The following PRDM11 variants were observed in gnomAD, a reference collection of about 807,000 sequenced individuals.
The protein encoded by PRDM11 is PR domain-containing protein 11.
A neutral mutation model predicts 97.8 loss-of-function variants in PRDM11; 20 were observed. The ratio of observed to expected loss-of-function variants is 0.20; its 90% CI spans 0.14 to 0.30. The LOEUF (loss-of-function observed/expected upper bound fraction) is 0.30, where lower values mean the gene tolerates loss of function less well. Ranked by LOEUF, PRDM11 falls within the 10% of genes least tolerant of loss-of-function variation. The probability of loss-of-function intolerance (pLI) is 1.00; values close to 1 mark genes in which losing one functional copy is unlikely to be tolerated. For synonymous variants in PRDM11, 599 were observed against 637.7 expected (o/e 0.94, Z 0.91); for missense variants, 1,139 against 1,555.2 (o/e 0.73, Z 4.50).
At chr11:45,119,649 A>G (rs897941604) in intron 1 of PRDM11, among the ~76,000 whole-genome samples, 5 of 135,908 alleles carry the variant, frequency 3.7e-5, no homozygotes, top group African/African-American at 5.5e-5. Context: ...AAAAAAAAAA[A>G]CACCTGGTAA....
chr11:45,094,790 G>A (rs972825850), upstream of PRDM11, among the ~76,000 whole-genome samples: 2 of 138,440 alleles, frequency 1.4e-5, no homozygotes, highest in Non-Finnish European at 3.1e-5. Flanking sequence ...AGGAAGGGAG[G>A]GAGGAGGGAG....
intron 1 of PRDM11, among the ~76,000 whole-genome samples, chr11:45,103,259 A>AT (rs1852009453): frequency 6.6e-6 from 1 of 152,292 alleles, no homozygotes; most frequent in Admixed American, 6.5e-5. Context: ...CTTGGAGCCC[A>AT]ACCTGGACTC....
At chr11:45,100,344 G>T (rs540680271) in intron 1 of PRDM11, among the ~76,000 whole-genome samples, 2 of 152,212 alleles carry the variant, frequency 1.3e-5, no homozygotes, top group African/African-American at 4.8e-5. Flanking sequence ...CACCCCAGGA[G>T]AAAAAAATAG....
chr11:45,107,328 A>G (rs1194335593), intron 1 of PRDM11, among the ~76,000 whole-genome samples: 1 of 152,164 alleles, frequency 6.6e-6, no homozygotes, highest in African/African-American at 2.4e-5. Flanking sequence ...CACCTGCAAA[A>G]CGGGGCTAAT....
rs1854474110 is a variant in PRDM11, at chr11:45,234,861, T to G, written c.*6702T>G. ...ATGTCAATCACAAAGGAAAAATAAG[T>G]GGGGATGGGGGGAAATACCTAGGAG... is the stretch of plus-strand genomic sequence containing the variant. On this transcript the variant is annotated 3_prime_UTR_variant, in exon 8 of 8. Coordinates refer to ENST00000683152, the MANE Select transcript of PRDM11 (RefSeq NM_001384648.1). The G allele has an allele frequency of 6.6e-6, 1 of 151,946 alleles. No homozygotes were observed. The highest frequency in any genetic ancestry group is 1.5e-5 in the Non-Finnish European group (1 of 68,020). The allele number at this position is 151,946 out of a possible 1,614,324, so 9.4% of individuals were successfully genotyped here. A position where few individuals can be genotyped will look rare whatever the true frequency, so the allele number is the denominator to read the frequency against.
At chr11:45,156,715 G>A (rs974369994) in intron 1 of PRDM11, among the ~76,000 whole-genome samples, 1 of 152,184 alleles carries the variant, frequency 6.6e-6, no homozygotes, top group Non-Finnish European at 1.5e-5. Context: ...GGTAGGATGC[G>A]CCTGGCTTGC....
intron 6 of PRDM11, among the ~76,000 whole-genome samples, chr11:45,222,630 G>T (rs1388676376): frequency 1.3e-5 from 2 of 152,314 alleles, no homozygotes; most frequent in African/African-American, 4.8e-5. Flanking sequence ...GACAGAAAAG[G>T]TGCATCCTGA....
chr11:45,182,405 C>T (rs1185522308), intron 3 of PRDM11, 56 bp downstream of exon 3: 13 of 1,487,292 alleles, frequency 8.7e-6, no homozygotes, highest in African/African-American at 2.8e-5. Context: ...TCGCCCCATT[C>T]CTGGCTAGGG....
intron 1 of PRDM11, among the ~76,000 whole-genome samples, chr11:45,151,985 A>T (rs1477380202): frequency 6.6e-6 from 1 of 151,818 alleles, no homozygotes; most frequent in Non-Finnish European, 1.5e-5. Flanking sequence ...TCCCTAGATC[A>T]CTCTTACCCC....
chr11:45,109,226 G>A (rs968527954), intron 1 of PRDM11, among the ~76,000 whole-genome samples: 1 of 152,220 alleles, frequency 6.6e-6, no homozygotes, highest in Non-Finnish European at 1.5e-5. Flanking sequence ...AGAGTGGTGA[G>A]GAGTGGCGGT....
intron 1 of PRDM11, among the ~76,000 whole-genome samples, chr11:45,167,703 G>A (rs576893897): frequency 1.3e-5 from 2 of 151,772 alleles, no homozygotes; most frequent in African/African-American, 2.4e-5. Context: ...GATATACTCA[G>A]CAAGGATGTT....
At chr11:45,121,424 A>G (rs909317997) in intron 1 of PRDM11, among the ~76,000 whole-genome samples, 1 of 152,184 alleles carries the variant, frequency 6.6e-6, no homozygotes, top group African/African-American at 2.4e-5. Context: ...TCCTCATTTC[A>G]AAGCTTCAAA....
chr11:45,158,892 C>G (rs769578304), intron 1 of PRDM11, among the ~76,000 whole-genome samples: 4 of 152,140 alleles, frequency 2.6e-5, no homozygotes, highest in African/African-American at 9.7e-5. Context: ...CAAGGTTGTC[C>G]GTGTCCGGGT....
Position 45,182,970 on chromosome 11 carries a change from C to A in PRDM11, c.333C>A (p.Leu111=), listed in dbSNP as rs778952826. Residue 111 remains leucine, a synonymous_variant, in exon 4 of 8, where the codon CTC becomes CTA. Transcript: ENST00000683152. ...VPVGIPDRAA[L]TIPQGMEVVK... The stretch of plus-strand genomic sequence containing the variant: ...TGGGCATCCCAGACCGGGCGGCGCT[C>A]ACCATCCCACAGGGCATGGAGGTGG... 1 of 1,614,046 alleles carries A rather than the reference C, an allele frequency of 6.2e-7. No homozygotes were observed. The highest frequency in any genetic ancestry group is 1.1e-5 in the South Asian group (1 of 91,082).
chr11:45,192,430 G>T (rs1852948392), intron 4 of PRDM11, among the ~76,000 whole-genome samples: 1 of 152,226 alleles, frequency 6.6e-6, no homozygotes. Context: ...TGTTTTATAA[G>T]TGCTGGTAGT....
chr11:45,139,882 G>A (rs1208663354), intron 1 of PRDM11, among the ~76,000 whole-genome samples: 1 of 152,104 alleles, frequency 6.6e-6, no homozygotes, highest in African/African-American at 2.4e-5. Flanking sequence ...AGAAATGGAG[G>A]GATGAGTTCA....
chr11:45,222,908 G>A (rs1345976235), intron 6 of PRDM11, among the ~76,000 whole-genome samples: 1 of 152,198 alleles, frequency 6.6e-6, no homozygotes, highest in African/African-American at 2.4e-5. Flanking sequence ...AGTTCCATAG[G>A]CTACTTTCAG....
intron 1 of PRDM11, among the ~76,000 whole-genome samples, chr11:45,123,407 A>C (rs1852486992): frequency 2.0e-5 from 3 of 151,684 alleles, no homozygotes; most frequent in Admixed American, 2.0e-4. Flanking sequence ...TTTAGACATG[A>C]AGTCCTTGCC....
At chr11:45,158,578 G>A (rs577405440) in intron 1 of PRDM11, among the ~76,000 whole-genome samples, 2 of 152,328 alleles carry the variant, frequency 1.3e-5, no homozygotes, top group East Asian at 3.9e-4. Context: ...ATGTGTGGAG[G>A]CTCAGGATTA....
Sources: gnomAD v4.1 joint callset for allele counts (sites outside exome capture counted in the v4.1 genomes callset) on GRCh38, gnomAD v4.1.1 for gene constraint, MANE v1.5 for transcripts, NCBI Gene and HGNC (gene_info 2026-07-23, HGNC 2026-07-21) for gene names.